Variants in PPFIBP1 observed in about 807,000 individuals in gnomAD.
PPFIBP1 encodes the protein PPFIB scaffold protein 1, also known as liprin-beta-1.
PPFIBP1 carries 112 observed loss-of-function variants against 137.8 expected under a neutral mutation model. The observed-to-expected ratio is 0.81, with a 90% CI of 0.70 to 0.95. PPFIBP1 has a LOEUF of 0.95. PPFIBP1 is among the 40% of genes least tolerant of loss of function. The probability of loss-of-function intolerance (pLI) is 0.00; values close to 1 mark genes in which losing one functional copy is unlikely to be tolerated. For synonymous variants in PPFIBP1, 378 were observed against 417.3 expected (o/e 0.91, Z 1.15); for missense variants, 1,083 against 1,196.6 (o/e 0.91, Z 1.40).
At chr12:27,652,005 G>A (rs752899110) in intron 7 of PPFIBP1, among the ~76,000 whole-genome samples, 22 of 152,046 alleles carry the variant, frequency 1.4e-4, no homozygotes, top group Admixed American at 6.5e-4. Flanking sequence ...TTTCTAAAAC[G>A]TATGCACAGA....
chr12:27,561,079 A>G (rs1216986694), intron 1 of PPFIBP1, among the ~76,000 whole-genome samples: 1 of 152,218 alleles, frequency 6.6e-6, no homozygotes, highest in Non-Finnish European at 1.5e-5. Flanking sequence ...GGTTAAAGCC[A>G]GAGACATGTA....
At chr12:27,672,920 G>A (rs545855324) in intron 15 of PPFIBP1, among the ~76,000 whole-genome samples, 25 of 151,928 alleles carry the variant, frequency 1.6e-4, no homozygotes, top group Non-Finnish European at 2.8e-4. Context: ...GTTAAAGTCT[G>A]GATTAAATTA....
At chr12:27,541,659 G>A (rs1200438341) in intron 1 of PPFIBP1, among the ~76,000 whole-genome samples, 2 of 152,220 alleles carry the variant, frequency 1.3e-5, no homozygotes, top group African/African-American at 4.8e-5. Flanking sequence ...ACTAACTGTA[G>A]CTTGAAGACG....
intron 1 of PPFIBP1, among the ~76,000 whole-genome samples, chr12:27,530,975 G>A (rs1050626868): frequency 2.6e-5 from 4 of 152,204 alleles, no homozygotes; most frequent in Non-Finnish European, 4.4e-5. Context: ...TTGACTCTGT[G>A]AGAAAAATAA....
intron 19 of PPFIBP1, chr12:27,677,315 C>T: frequency 1.7e-6 from 1 of 603,552 alleles, no homozygotes; most frequent in Non-Finnish European, 2.9e-6. Flanking sequence ...GTAACACTCA[C>T]TGTGTGAATA....
chr12:27,558,441 A>G (rs1261316034), intron 1 of PPFIBP1, among the ~76,000 whole-genome samples: 5 of 150,970 alleles, frequency 3.3e-5, no homozygotes, highest in African/African-American at 9.8e-5. Context: ...GAAAATCAAG[A>G]CTATATGTAA....
At chr12:27,651,706 A>G (rs2058887369) in intron 7 of PPFIBP1, among the ~76,000 whole-genome samples, 1 of 152,206 alleles carries the variant, frequency 6.6e-6, no homozygotes, top group Non-Finnish European at 1.5e-5. Context: ...GTGGTCTTCT[A>G]CATTGCGTCC....
At chr12:27,588,711 A>G (rs1250520562) in intron 2 of PPFIBP1, among the ~76,000 whole-genome samples, 1 of 152,246 alleles carries the variant, frequency 6.6e-6, no homozygotes, top group Non-Finnish European at 1.5e-5. Context: ...GAGAGAATTC[A>G]GTAGCAATGA....
At chr12:27,683,626 T>A (rs1372364358) in intron 24 of PPFIBP1, among the ~76,000 whole-genome samples, 1 of 152,218 alleles carries the variant, frequency 6.6e-6, no homozygotes, top group African/African-American at 2.4e-5. Context: ...GGTTCCTTCA[T>A]TATTGTACAT....
intron 6 of PPFIBP1, among the ~76,000 whole-genome samples, chr12:27,649,044 C>G (rs933814687): frequency 2.6e-5 from 4 of 151,934 alleles, no homozygotes; most frequent in Non-Finnish European, 5.9e-5. Context: ...AGATGGAGAC[C>G]CCGTTTTCCA....
intron 2 of PPFIBP1, among the ~76,000 whole-genome samples, chr12:27,611,238 G>A (rs1490177406): frequency 6.6e-6 from 1 of 152,172 alleles, no homozygotes; most frequent in Admixed American, 6.5e-5. Context: ...GGTTTTTCAG[G>A]CCAGCTGCAC....
chr12:27,681,019 G>T (rs951171842), intron 21 of PPFIBP1, among the ~76,000 whole-genome samples: 1 of 151,846 alleles, frequency 6.6e-6, no homozygotes, highest in Non-Finnish European at 1.5e-5. Flanking sequence ...CTTCCCCTCC[G>T]CACCCTGCCC....
At chr12:27,621,231 G>A (rs2056317302) in intron 2 of PPFIBP1, among the ~76,000 whole-genome samples, 1 of 152,254 alleles carries the variant, frequency 6.6e-6, no homozygotes, top group African/African-American at 2.4e-5. Flanking sequence ...TAGATGATAC[G>A]TAAACGAATG....
intron 1 of PPFIBP1, chr12:27,549,246 G>A (rs1387559609): frequency 2.0e-5 from 3 of 149,494 alleles, no homozygotes; most frequent in Non-Finnish European, 4.5e-5. Context: ...TGACTTGGAT[G>A]ATCCTTCTCA....
At chr12:27,678,485 T>C (rs1249648394) in intron 19 of PPFIBP1, among the ~76,000 whole-genome samples, 5 of 151,502 alleles carry the variant, frequency 3.3e-5, no homozygotes, top group Non-Finnish European at 5.9e-5. Flanking sequence ...GGAGAAGGAG[T>C]AAAAGGAAAA....
In PPFIBP1 at chr12:27,667,304, C is replaced by T. The variant is rs1331926013; in HGVS notation, c.1130C>T (p.Thr377Ile). The change falls in exon 13 of 30, where the codon ACA becomes ATA. Residue 377 changes from threonine to isoleucine, a missense_variant. By Grantham distance (89) the Thr-to-Ile change is moderately conservative (BLOSUM62 -1). Coordinates refer to ENST00000228425, the MANE Select transcript of PPFIBP1 (RefSeq NM_003622.4). ...TCTCCCAGTTGTGACCCATTTAACA[C>T]AAGTGTTCCCGAAGAGGTATTAATA... ...MGSPSCDPFN[T>I]SVPEEFHTTI... 1.2e-6 allele frequency: 2 copies of T among 1,603,088 alleles called. No homozygotes were observed. The highest frequency in any genetic ancestry group is 3.5e-5 in the Admixed American group (2 of 57,058).
chr12:27,578,519 C>T (rs775685651), intron 2 of PPFIBP1, among the ~76,000 whole-genome samples: 6 of 152,148 alleles, frequency 3.9e-5, no homozygotes, highest in Admixed American at 1.3e-4. Context: ...CTTGGTAGAA[C>T]ATAAAATAAA....
chr12:27,563,134 A>G (rs2049298954), intron 1 of PPFIBP1, among the ~76,000 whole-genome samples: 1 of 151,458 alleles, frequency 6.6e-6, no homozygotes, highest in Non-Finnish European at 1.5e-5. Context: ...AAATAATTAC[A>G]TAAGCTTTTA....
intron 2 of PPFIBP1, among the ~76,000 whole-genome samples, chr12:27,587,908 A>T (rs2051980760): frequency 6.6e-6 from 1 of 152,186 alleles, no homozygotes; most frequent in African/African-American, 2.4e-5. Context: ...TTGATCAAAG[A>T]TTCCATCAAA....
Sources: gnomAD v4.1 joint callset for allele counts (sites outside exome capture counted in the v4.1 genomes callset) on GRCh38, gnomAD v4.1.1 for gene constraint, MANE v1.5 for transcripts, NCBI Gene and HGNC (gene_info 2026-07-23, HGNC 2026-07-21) for gene names.